PPP2R2B: variants seen among roughly 807,000 people sequenced by gnomAD.
PPP2R2B encodes the protein protein phosphatase 2 regulatory subunit Bbeta.
Under a neutral mutation model 46.0 loss-of-function variants are expected in PPP2R2B, and 5 were observed. The ratio of observed to expected loss-of-function variants is 0.11; its 90% CI spans 0.06 to 0.23. The LOEUF (loss-of-function observed/expected upper bound fraction) is 0.23. Among genes scored for constraint, PPP2R2B ranks in the 10% least tolerant of loss-of-function variants. The pLI is 1.00. For synonymous variants in PPP2R2B, 215 were observed against 206.7 expected (o/e 1.04, Z -0.34); for missense variants, 367 against 575.0 (o/e 0.64, Z 3.70).
chr5:146,984,073 T>C (rs1229064709), intron 1 of PPP2R2B, among the ~76,000 whole-genome samples: 1 of 152,234 alleles, frequency 6.6e-6, no homozygotes, highest in African/African-American at 2.4e-5. Context: ...CCTCAAATAC[T>C]TGTCATTTTC....
At chr5:146,955,094 G>A (rs1258774685) in intron 1 of PPP2R2B, among the ~76,000 whole-genome samples, 1 of 152,136 alleles carries the variant, frequency 6.6e-6, no homozygotes, top group East Asian at 1.9e-4. Flanking sequence ...AACTCATCTA[G>A]TGAGAGTGAA....
At chr5:146,625,723 C>T (rs1243027309) in intron 7 of PPP2R2B, among the ~76,000 whole-genome samples, 3 of 152,056 alleles carry the variant, frequency 2.0e-5, no homozygotes, top group Non-Finnish European at 4.4e-5. Flanking sequence ...TCCTAATGCC[C>T]GGAACCTGGG....
chr5:146,766,875 G>A (rs1220340263), intron 2 of PPP2R2B, among the ~76,000 whole-genome samples: 2 of 151,866 alleles, frequency 1.3e-5, no homozygotes, highest in Non-Finnish European at 2.9e-5. Context: ...CCAATATGGT[G>A]AAACCCCGTC....
intron 1 of PPP2R2B, among the ~76,000 whole-genome samples, chr5:147,016,363 G>A (rs564376425): frequency 6.6e-6 from 1 of 151,400 alleles, no homozygotes; most frequent in South Asian, 2.1e-4. Flanking sequence ...GCAGTTTTGG[G>A]GGGGACAATC....
At chr5:147,069,722 T>C (rs1561611746) in intron 2 of PPP2R2B, among the ~76,000 whole-genome samples, 2 of 150,676 alleles carry the variant, frequency 1.3e-5, no homozygotes, top group Non-Finnish European at 1.5e-5. Context: ...AGAAAAGCCA[T>C]CTAATAATGT....
chr5:147,054,484 TA>T (rs5872003), intron 1 of PPP2R2B: 236,729 of 343,794 alleles, frequency 0.69, 84,081 homozygotes, highest in Middle Eastern at 0.81. Flanking sequence ...TGTCCAACTG[TA>T]AAAAAAAAGT....
intron 1 of PPP2R2B, among the ~76,000 whole-genome samples, chr5:147,009,852 T>A (rs915685910): frequency 7.0e-6 from 1 of 142,800 alleles, no homozygotes; most frequent in Admixed American, 6.9e-5. Context: ...TTTATATATA[T>A]ACACACACAC....
chr5:146,706,400 C>T, intron 2 of PPP2R2B: 1 of 779,654 alleles, frequency 1.3e-6, no homozygotes, highest in South Asian at 1.3e-5. Context: ...ACCTGCATAG[C>T]CGCTGGTGGT....
chr5:146,769,666 C>A (rs975100323), intron 2 of PPP2R2B, among the ~76,000 whole-genome samples: 2 of 152,158 alleles, frequency 1.3e-5, no homozygotes, highest in African/African-American at 4.8e-5. Flanking sequence ...TTGCCGTGAA[C>A]CACCTTACCA....
At chr5:147,002,987 C>G (rs529418961) in intron 1 of PPP2R2B, among the ~76,000 whole-genome samples, 6 of 152,176 alleles carry the variant, frequency 3.9e-5, no homozygotes, top group African/African-American at 1.4e-4. Context: ...TTTTTCTGCA[C>G]TATGGCCTGG....
At chr5:146,976,107 A>AG in intron 1 of PPP2R2B, among the ~76,000 whole-genome samples, 1 of 109,938 alleles carries the variant, frequency 9.1e-6, no homozygotes, top group South Asian at 3.3e-4. Context: ...TTTTTAAAAA[A>AG]TTTATTATTA....
chr5:146,872,384 T>C (rs1761665898), intron 2 of PPP2R2B, among the ~76,000 whole-genome samples: 1 of 152,204 alleles, frequency 6.6e-6, no homozygotes, highest in Non-Finnish European at 1.5e-5. Context: ...TCCATATGCA[T>C]TGGAAACAGC....
chr5:146,887,102 G>T (rs1561496422), intron 1 of PPP2R2B, among the ~76,000 whole-genome samples: 1 of 151,846 alleles, frequency 6.6e-6, no homozygotes, highest in African/African-American at 2.4e-5. Context: ...ATTTATATTT[G>T]AATTTTTTGA....
At chr5:146,688,493 A>T (rs1778642876) in intron 5 of PPP2R2B, among the ~76,000 whole-genome samples, 1 of 151,706 alleles carries the variant, frequency 6.6e-6, no homozygotes, top group African/African-American at 2.4e-5. Flanking sequence ...TTGGCAGCTT[A>T]GAAACTAAGC....
chr5:146,707,519 C>T, intron 2 of PPP2R2B: 1 of 732,040 alleles, frequency 1.4e-6, no homozygotes, highest in Non-Finnish European at 2.5e-6. Context: ...GACACCAGGC[C>T]CACTCGTGTA....
intron 8 of PPP2R2B, among the ~76,000 whole-genome samples, chr5:146,597,647 C>A (rs374251534): frequency 6.6e-6 from 1 of 152,162 alleles, no homozygotes; most frequent in Non-Finnish European, 1.5e-5. Context: ...GTTAATTTCC[C>A]TTTAAAGCAA....
chr5:147,030,782 T>C (rs895076900), intron 1 of PPP2R2B, among the ~76,000 whole-genome samples: 3 of 152,168 alleles, frequency 2.0e-5, no homozygotes, highest in Admixed American at 2.0e-4. Context: ...CCTTCTGTTA[T>C]TTGTGTTATT....
intron 2 of PPP2R2B, among the ~76,000 whole-genome samples, chr5:147,061,343 C>T (rs987979262): frequency 1.3e-5 from 2 of 152,072 alleles, no homozygotes; most frequent in African/African-American, 4.8e-5. Context: ...GAGGAGGTGA[C>T]ATTTGAGCTG....
chr5:147,080,852 G>A (rs949442526), intron 2 of PPP2R2B, among the ~76,000 whole-genome samples: 1 of 152,022 alleles, frequency 6.6e-6, no homozygotes, highest in East Asian at 1.9e-4. Context: ...GTTCATTTCA[G>A]TGCCGCTCAT....
Sources: allele counts gnomAD v4.1 joint callset (sites outside exome capture counted in the v4.1 genomes callset), GRCh38; gene constraint gnomAD v4.1.1; transcripts MANE v1.5; gene names NCBI Gene and HGNC (gene_info 2026-07-23, HGNC 2026-07-21).